Variants in EYA2 observed in about 807,000 individuals in gnomAD.
EYA2 encodes EYA transcriptional coactivator and phosphatase 2.
A neutral mutation model predicts 69.2 loss-of-function variants in EYA2; 31 were observed. The observed-to-expected ratio is 0.45, with a 90% CI of 0.34 to 0.60. EYA2 has a LOEUF of 0.60. Ranked by LOEUF, EYA2 falls within the 20% of genes least tolerant of loss-of-function variation. The pLI is 0.02. For missense variants in EYA2, 622 were observed against 701.2 expected (o/e 0.89, Z 1.28); for synonymous variants, 257 against 279.4 (o/e 0.92, Z 0.80).
chr20:47,054,287 C>A (rs2030492139), intron 5 of EYA2, among the ~76,000 whole-genome samples: 1 of 152,158 alleles, frequency 6.6e-6, no homozygotes, highest in South Asian at 2.1e-4. Flanking sequence ...AATGGCATCT[C>A]ATTCACATCT....
intron 9 of EYA2, among the ~76,000 whole-genome samples, chr20:47,110,337 G>T (rs2868856): frequency 0.016 from 2,442 of 152,208 alleles, 54 homozygotes; most frequent in African/African-American, 0.053. Flanking sequence ...AACTTCCTGG[G>T]ATCAAGCAAT....
chr20:47,111,036 T>A (rs2146540287), intron 9 of EYA2, among the ~76,000 whole-genome samples: 1 of 152,386 alleles, frequency 6.6e-6, no homozygotes, highest in African/African-American at 2.4e-5. Flanking sequence ...GGTATAGAAT[T>A]TTTGTTTGGA....
At chr20:47,000,819 A>G (rs1450595582) in intron 2 of EYA2, among the ~76,000 whole-genome samples, 5 of 152,106 alleles carry the variant, frequency 3.3e-5, no homozygotes, top group African/African-American at 1.2e-4. Context: ...TTAGGAGATG[A>G]TCGAAGTGGT....
chr20:47,124,656 A>G (rs1440805806), intron 9 of EYA2, among the ~76,000 whole-genome samples: 2 of 152,076 alleles, frequency 1.3e-5, no homozygotes, highest in East Asian at 1.9e-4. Context: ...TGATCATCTC[A>G]TCCAGGTTTG....
chr20:47,131,125 T>G (rs537288704), intron 9 of EYA2, among the ~76,000 whole-genome samples: 1 of 152,282 alleles, frequency 6.6e-6, no homozygotes, highest in African/African-American at 2.4e-5. Context: ...TATGTTTACT[T>G]CTATAAAGGA....
chr20:47,165,169 A>G (rs1037719533), intron 10 of EYA2, among the ~76,000 whole-genome samples: 28 of 152,216 alleles, frequency 1.8e-4, no homozygotes, highest in African/African-American at 6.8e-4. Flanking sequence ...AATTGCTACC[A>G]TATTAGACAA....
intron 5 of EYA2, among the ~76,000 whole-genome samples, chr20:47,047,331 G>A (rs1386706497): frequency 2.0e-5 from 3 of 152,066 alleles, no homozygotes; most frequent in African/African-American, 4.8e-5. Flanking sequence ...ACGCAGAGGA[G>A]TAAAGTGGGC....
chr20:47,183,919 C>G (rs926304913), intron 15 of EYA2, among the ~76,000 whole-genome samples: 11 of 152,130 alleles, frequency 7.2e-5, no homozygotes, highest in Admixed American at 3.3e-4. Context: ...GCTGCCACCC[C>G]CAACCCGGAG....
chr20:46,921,718 T>C (rs1310693300), intron 1 of EYA2, among the ~76,000 whole-genome samples: 2 of 152,236 alleles, frequency 1.3e-5, no homozygotes, highest in East Asian at 3.8e-4. Flanking sequence ...TAAAGGCAAC[T>C]CAAAGGAAGA....
chr20:47,040,927 C>G (rs1354900862), intron 5 of EYA2, among the ~76,000 whole-genome samples: 1 of 152,202 alleles, frequency 6.6e-6, no homozygotes, highest in African/African-American at 2.4e-5. Flanking sequence ...AGCACATGTT[C>G]TGAGGGCATG....
At chr20:47,001,326 C>G in intron 2 of EYA2, 102 bp from the exon 3 acceptor site, 2 of 965,546 alleles carry the variant, frequency 2.1e-6, no homozygotes, top group South Asian at 2.6e-5. Context: ...GGGCAGCACC[C>G]CTCCAAGTCT....
At chr20:47,053,667 CA>C (rs1215223667) in intron 5 of EYA2, among the ~76,000 whole-genome samples, 868 of 66,796 alleles carry the variant, frequency 0.013, no homozygotes, top group Non-Finnish European at 0.015. Flanking sequence ...GACCTTGTCT[CA>C]AAAAAAAAAA....
chr20:46,939,485 A>G (rs1359433231), intron 1 of EYA2, among the ~76,000 whole-genome samples: 1 of 152,232 alleles, frequency 6.6e-6, no homozygotes, highest in East Asian at 1.9e-4. Context: ...CTATGTCTGA[A>G]GCTAACTACC....
Position 47,049,487 on chromosome 20 carries a change from G to A in EYA2, c.416-22698G>A, listed in dbSNP as rs764342904. Among the ~76,000 whole-genome samples the A allele has an allele frequency of 5.9e-5, 9 of 152,244 alleles. No individual in the cohort carries two copies. In the East Asian group the frequency reaches 7.7e-4, roughly 13 times the overall value. The stretch of plus-strand genomic sequence containing the variant: ...TTGTGAATGGCTTGGGGCTCTCCTC[G>A]TGATAATGAATGAGTTCTCTCTGTT... On this transcript the variant is annotated intron_variant, in intron 5 of 15. Transcript: ENST00000327619.
chr20:46,955,504 A>G (rs1198760555), intron 1 of EYA2, among the ~76,000 whole-genome samples: 1 of 152,270 alleles, frequency 6.6e-6, no homozygotes, highest in Non-Finnish European at 1.5e-5. Flanking sequence ...TTACAAAAGT[A>G]ATTAACATGC....
At chr20:46,926,636 C>T (rs1218843704) in intron 1 of EYA2, among the ~76,000 whole-genome samples, 1 of 152,170 alleles carries the variant, frequency 6.6e-6, no homozygotes, top group East Asian at 1.9e-4. Context: ...ACAGGGATAC[C>T]TAGAAATAAT....
intron 1 of EYA2, among the ~76,000 whole-genome samples, chr20:46,919,156 T>C (rs1174542862): frequency 1.3e-5 from 2 of 152,256 alleles, no homozygotes; most frequent in Non-Finnish European, 2.9e-5. Flanking sequence ...TTTAACATCA[T>C]TCTTAAGGGT....
intron 4 of EYA2, among the ~76,000 whole-genome samples, chr20:47,012,020 G>C (rs1396044108): frequency 1.3e-5 from 2 of 152,162 alleles, no homozygotes; most frequent in African/African-American, 4.8e-5. Context: ...TTTTTCTGCT[G>C]TCATTCTCCT....
rs547339417 is a variant in EYA2, at chr20:47,184,630, C to CT, written c.1536+1240dup. 7.9e-5 allele frequency among the ~76,000 whole-genome samples: 12 copies of CT among 151,488 alleles called. No homozygotes were observed. The South Asian group carries it at 1.9e-3, about 24-fold the overall frequency. On this transcript the variant is annotated intron_variant, in intron 15 of 15. Transcript: ENST00000327619. ...TAGAGATGGGGTTTTGCCATGTTGCCTGGGCTGGCCTCAAACTCGTAAACT... is the reference window on the plus strand; with the variant it reads ...TAGAGATGGGGTTTTGCCATGTTGCCTTGGGCTGGCCTCAAACTCGTAAACT...
Sources: gnomAD v4.1 joint callset for allele counts (sites outside exome capture counted in the v4.1 genomes callset) on GRCh38, gnomAD v4.1.1 for gene constraint, MANE v1.5 for transcripts, NCBI Gene and HGNC (gene_info 2026-07-23, HGNC 2026-07-21) for gene names.